The following UNC13C variants were observed in gnomAD, a reference collection of about 807,000 sequenced individuals.
The protein encoded by UNC13C is unc-13 homolog C.
In UNC13C, 174 loss-of-function variants were observed where a neutral mutation model predicts 245.4. That is an observed-to-expected ratio of 0.71 (90% CI 0.63 to 0.80). The LOEUF is 0.80. UNC13C is among the 30% of genes least tolerant of loss of function. UNC13C has a pLI of 0.00. For synonymous variants in UNC13C, 992 were observed against 895.1 expected, an observed-to-expected ratio of 1.11 and a Z score of -1.93; for missense variants, 2,829 against 2,602.9, an observed-to-expected ratio of 1.09 and a Z score of -1.89.
intron 8 of UNC13C, among the ~76,000 whole-genome samples, chr15:54,259,426 C>G (rs1017811285): frequency 6.6e-6 from 1 of 152,236 alleles, no homozygotes; most frequent in Non-Finnish European, 1.5e-5. Flanking sequence ...AAAGGCATGT[C>G]TTACATGGCA....
intron 11 of UNC13C, among the ~76,000 whole-genome samples, chr15:54,296,197 T>TTTTA (rs201497816): frequency 0.026 from 3,983 of 150,848 alleles, 190 homozygotes; most frequent in African/African-American, 0.094. Context: ...GAATTTTTAT[T>TTTTA]TTTATTTATT....
intron 30 of UNC13C, among the ~76,000 whole-genome samples, chr15:54,575,711 T>C (rs942198694): frequency 2.0e-5 from 3 of 152,238 alleles, no homozygotes; most frequent in African/African-American, 7.2e-5. Flanking sequence ...AACATAGAAG[T>C]TATTTCTCAT....
intron 1 of UNC13C, among the ~76,000 whole-genome samples, chr15:53,985,302 A>G (rs1325170099): frequency 6.7e-6 from 1 of 149,174 alleles, no homozygotes; most frequent in Non-Finnish European, 1.5e-5. Flanking sequence ...GCTGCATAGT[A>G]TTCCATGGTG....
chr15:54,553,391 T>A (rs1258486274), intron 28 of UNC13C, among the ~76,000 whole-genome samples: 2 of 129,646 alleles, frequency 1.5e-5, no homozygotes, highest in Non-Finnish European at 3.1e-5. Flanking sequence ...TATGTATTAG[T>A]ATATTATATT....
intron 2 of UNC13C, among the ~76,000 whole-genome samples, chr15:54,104,294 A>G (rs1456879714): frequency 6.6e-6 from 1 of 152,216 alleles, no homozygotes; most frequent in Non-Finnish European, 1.5e-5. Context: ...CTTCCAGAGA[A>G]ATAATCAATA....
intron 4 of UNC13C, among the ~76,000 whole-genome samples, chr15:54,212,603 A>C (rs753512374): frequency 3.9e-5 from 6 of 152,106 alleles, no homozygotes; most frequent in Non-Finnish European, 5.9e-5. Context: ...AGCCAGCACA[A>C]CCAAATATCC....
intron 19 of UNC13C, among the ~76,000 whole-genome samples, chr15:54,481,362 C>T (rs1043190016): frequency 1.3e-5 from 2 of 151,926 alleles, no homozygotes; most frequent in African/African-American, 4.8e-5. Flanking sequence ...TCCCTGACCC[C>T]TGAGAAACAC....
At chr15:54,380,657 CA>C (rs2039704356) in intron 17 of UNC13C, among the ~76,000 whole-genome samples, 4 of 152,128 alleles carry the variant, frequency 2.6e-5, no homozygotes, top group Admixed American at 2.0e-4. Context: ...GCCATTCTGA[CA>C]AGTGAAAGGT....
At chr15:54,454,917 CG>C (rs1567288418) in intron 19 of UNC13C, among the ~76,000 whole-genome samples, 5 of 151,628 alleles carry the variant, frequency 3.3e-5, no homozygotes, top group Admixed American at 3.3e-4. Context: ...GCACCCATCA[CG>C]TCAGTAGTAT....
At chr15:54,011,706 G>T (rs983663208) in intron 1 of UNC13C, among the ~76,000 whole-genome samples, 1 of 152,152 alleles carries the variant, frequency 6.6e-6, no homozygotes, top group South Asian at 2.1e-4. Context: ...GAAAGACTTG[G>T]ACTTCTTTAG....
At chr15:54,012,435 A>G (rs1250725911) in intron 1 of UNC13C, among the ~76,000 whole-genome samples, 1 of 152,180 alleles carries the variant, frequency 6.6e-6, no homozygotes, top group Non-Finnish European at 1.5e-5. Context: ...CCCATAAATG[A>G]TTTATCAAAA....
At chr15:53,868,518 C>T in the UNC13C span, among the ~76,000 whole-genome samples, 28 of 152,050 alleles carry the variant, frequency 1.8e-4, no homozygotes, top group Admixed American at 5.9e-4. Context: ...TAAGGAGGCC[C>T]GGCCTATGCA....
intron 26 of UNC13C, among the ~76,000 whole-genome samples, chr15:54,537,486 C>T (rs893937354): frequency 5.3e-5 from 8 of 151,720 alleles, no homozygotes; most frequent in Admixed American, 5.3e-4. Context: ...AAAAAAATTT[C>T]AAAATTCATT....
chr15:54,423,192 T>C (rs2040688518), intron 19 of UNC13C, among the ~76,000 whole-genome samples: 1 of 151,758 alleles, frequency 6.6e-6, no homozygotes, highest in Non-Finnish European at 1.5e-5. Context: ...TCTAAATTGA[T>C]GTTATGACCC....
intron 13 of UNC13C, among the ~76,000 whole-genome samples, chr15:54,318,312 T>C (rs1237982779): frequency 1.3e-5 from 2 of 151,888 alleles, no homozygotes; most frequent in African/African-American, 2.4e-5. Flanking sequence ...ACTATTTCCC[T>C]TAATGGCTGT....
the UNC13C span, chr15:53,913,516 G>A: frequency 4.6e-5 from 7 of 152,236 alleles, no homozygotes; most frequent in African/African-American, 1.7e-4. Context: ...TGCCCTTCAG[G>A]CTCATAAGAG....
the UNC13C span, among the ~76,000 whole-genome samples, chr15:53,901,927 T>C: frequency 6.6e-6 from 1 of 152,140 alleles, no homozygotes; most frequent in African/African-American, 2.4e-5. Flanking sequence ...ATGGTGAAAA[T>C]TGAGGATTCC....
intron 17 of UNC13C, among the ~76,000 whole-genome samples, chr15:54,362,745 T>C (rs1265952417): frequency 6.6e-6 from 1 of 152,096 alleles, no homozygotes; most frequent in Non-Finnish European, 1.5e-5. Flanking sequence ...CGAAAATCAC[T>C]CATCTACTGC....
At chr15:54,503,877 G>T (rs192798139) in intron 22 of UNC13C, among the ~76,000 whole-genome samples, 1 of 152,096 alleles carries the variant, frequency 6.6e-6, no homozygotes, top group African/African-American at 2.4e-5. Context: ...ATCTTTATGG[G>T]ATTTATATTG....
Sources: gnomAD v4.1 joint callset for allele counts (sites outside exome capture counted in the v4.1 genomes callset) on GRCh38, gnomAD v4.1.1 for gene constraint, MANE v1.5 for transcripts, NCBI Gene and HGNC (gene_info 2026-07-23, HGNC 2026-07-21) for gene names.